COL23A1: variants seen among roughly 807,000 people sequenced by gnomAD.
COL23A1 encodes collagen type XXIII alpha 1 chain.
A neutral mutation model predicts 99.3 loss-of-function variants in COL23A1; 97 were observed. The ratio of observed to expected loss-of-function variants is 0.98; its 90% CI spans 0.83 to 1.16. COL23A1 has a LOEUF of 1.16. Among genes scored for constraint, COL23A1 ranks in the 50% most tolerant of loss-of-function variants. The pLI is 0.00. For synonymous variants in COL23A1, 320 were observed against 308.2 expected (o/e 1.04, Z -0.40); for missense variants, 762 against 757.4 (o/e 1.01, Z -0.07).
intron 2 of COL23A1, among the ~76,000 whole-genome samples, chr5:178,353,129 G>A (rs1013422447): frequency 6.6e-6 from 1 of 152,266 alleles, no homozygotes; most frequent in Non-Finnish European, 1.5e-5. Context: ...ACGTTTAATA[G>A]AAAAAGACTG....
At chr5:178,322,507 G>A (rs1175594059) in intron 2 of COL23A1, among the ~76,000 whole-genome samples, 1 of 152,168 alleles carries the variant, frequency 6.6e-6, no homozygotes, top group Non-Finnish European at 1.5e-5. Flanking sequence ...TTTCCCAAAG[G>A]GGAAAGATCT....
chr5:178,261,274 C>T (rs1765609901), intron 11 of COL23A1, among the ~76,000 whole-genome samples: 1 of 151,968 alleles, frequency 6.6e-6, no homozygotes, highest in Admixed American at 6.6e-5. Flanking sequence ...ATTAGCTGGG[C>T]ATGGTGGCAC....
chr5:178,445,878 A>G (rs1239353131), intron 2 of COL23A1, among the ~76,000 whole-genome samples: 1 of 152,256 alleles, frequency 6.6e-6, no homozygotes, highest in East Asian at 1.9e-4. Context: ...ATTTTGCAAT[A>G]TATATTCAAG....
At chr5:178,538,031 T>C (rs759090766) in intron 2 of COL23A1, among the ~76,000 whole-genome samples, 1 of 152,236 alleles carries the variant, frequency 6.6e-6, no homozygotes, top group Non-Finnish European at 1.5e-5. Context: ...TTGCAGCCTG[T>C]GCCACAATTT....
At chr5:178,392,669 G>A (rs192598279) in intron 2 of COL23A1, among the ~76,000 whole-genome samples, 6 of 152,200 alleles carry the variant, frequency 3.9e-5, no homozygotes, top group African/African-American at 1.4e-4. Flanking sequence ...GCCTAAATTC[G>A]GCTCCCAAAT....
chr5:178,279,475 C>A (rs1442543086), intron 5 of COL23A1, among the ~76,000 whole-genome samples: 1 of 152,222 alleles, frequency 6.6e-6, no homozygotes, highest in African/African-American at 2.4e-5. Context: ...TTTGTTTAAG[C>A]CTGGTCCTTC....
At chr5:178,498,255 TATAA>T (rs1323770879) in intron 2 of COL23A1, among the ~76,000 whole-genome samples, 8 of 70,946 alleles carry the variant, frequency 1.1e-4, no homozygotes, top group Admixed American at 1.5e-4. Flanking sequence ...TATATATATA[TATAA>T]AAGAACTTAA....
intron 2 of COL23A1, among the ~76,000 whole-genome samples, chr5:178,451,133 G>C (rs921937061): frequency 6.6e-6 from 1 of 152,002 alleles, no homozygotes; most frequent in African/African-American, 2.4e-5. Context: ...TGGAAAAGAG[G>C]GAAAACTTTA....
At position 178,280,881 on chromosome 5, in the gene COL23A1, G is replaced by T. The variant is rs527467497; in HGVS notation, c.441+7443C>A. Reference sequence around the variant, plus strand: ...GATACAGGAGGCATCTGGGAGCCGAGGGCGGAGCAGCAGCTCGGGCCCCAC... The same window carrying T: ...GATACAGGAGGCATCTGGGAGCCGATGGCGGAGCAGCAGCTCGGGCCCCAC... On this transcript the variant is annotated intron_variant, in intron 5 of 28. Coordinates refer to ENST00000390654, the MANE Select transcript of COL23A1 (RefSeq NM_173465.4). This position sits in a 1 kb window ranked among gnomAD's most constrained non-coding sequence, Gnocchi z 4.9. Among the ~76,000 whole-genome samples the T allele has an allele frequency of 2.6e-5, 4 of 152,322 alleles. No homozygotes were observed. The East Asian group carries it at 7.7e-4, about 29-fold the overall frequency.
chr5:178,585,524 A>ATGCTGGGGGTAACACTCCACAGCCCTGGT (rs1562114874), intron 1 of COL23A1, among the ~76,000 whole-genome samples: 3 of 54,206 alleles, frequency 5.5e-5, no homozygotes, highest in African/African-American at 2.9e-4. Context: ...ACGTCCCTGG[A>ATGCTGGGGGTAACACTCCACAGCCCTGGT]TGACGCTGGA....
chr5:178,432,215 C>G (rs1228698068), intron 2 of COL23A1, among the ~76,000 whole-genome samples: 1 of 152,182 alleles, frequency 6.6e-6, no homozygotes, highest in Non-Finnish European at 1.5e-5. Context: ...AAAAAGTCCT[C>G]ACATTTATTC....
chr5:178,407,486 C>T (rs2127774877), intron 2 of COL23A1, among the ~76,000 whole-genome samples: 1 of 152,320 alleles, frequency 6.6e-6, no homozygotes, highest in Middle Eastern at 3.4e-3. Flanking sequence ...TGGGAAAAGA[C>T]AATCAACAGA....
chr5:178,275,686 A>G (rs1201821524), intron 5 of COL23A1, among the ~76,000 whole-genome samples: 1 of 152,096 alleles, frequency 6.6e-6, no homozygotes, highest in South Asian at 2.1e-4. Flanking sequence ...CGTAGATACC[A>G]ATCTGAACGT....
chr5:178,516,391 G>A (rs536062273), intron 2 of COL23A1, among the ~76,000 whole-genome samples: 26 of 152,186 alleles, frequency 1.7e-4, no homozygotes, highest in Admixed American at 2.6e-4. Context: ...GGCGCTGCCC[G>A]ATGACGGCTC....
At chr5:178,568,423 A>G (rs182370176) in intron 1 of COL23A1, among the ~76,000 whole-genome samples, 40 of 152,346 alleles carry the variant, frequency 2.6e-4, no homozygotes, top group African/African-American at 8.7e-4. Context: ...ATTTTTTAGA[A>G]TGGATTTATT....
intron 5 of COL23A1, among the ~76,000 whole-genome samples, chr5:178,279,410 C>T (rs1756768656): frequency 6.6e-6 from 1 of 152,244 alleles, no homozygotes; most frequent in South Asian, 2.1e-4. Context: ...GCTCGCACAC[C>T]CCTGGTGATG....
intron 2 of COL23A1, among the ~76,000 whole-genome samples, chr5:178,425,786 C>T (rs1257244100): frequency 2.0e-5 from 3 of 152,224 alleles, no homozygotes; most frequent in South Asian, 2.1e-4. Flanking sequence ...TATCTGCTCT[C>T]GGCTTTTACT....
intron 1 of COL23A1, among the ~76,000 whole-genome samples, chr5:178,587,724 TA>T (rs1764072272): frequency 6.6e-6 from 1 of 152,244 alleles, no homozygotes; most frequent in South Asian, 2.1e-4. Flanking sequence ...TCTATACATC[TA>T]ATTAGAGTTA....
chr5:178,502,878 C>A (rs1447120434), intron 2 of COL23A1, among the ~76,000 whole-genome samples: 15 of 152,186 alleles, frequency 9.9e-5, no homozygotes, highest in African/African-American at 3.1e-4. Context: ...GCCCACACGC[C>A]CCTGAACCGC....
Sources: allele counts gnomAD v4.1 joint callset (sites outside exome capture counted in the v4.1 genomes callset), GRCh38; gene constraint gnomAD v4.1.1; non-coding constraint Gnocchi (gnomAD v3.1); transcripts MANE v1.5; gene names NCBI Gene and HGNC (gene_info 2026-07-23, HGNC 2026-07-21).